CPEB3: variants seen among roughly 807,000 people sequenced by gnomAD.
The protein encoded by CPEB3 is cytoplasmic polyadenylation element binding protein 3.
CPEB3 carries 20 observed loss-of-function variants against 67.2 expected under a neutral mutation model. That is an observed-to-expected ratio of 0.30 (90% CI 0.21 to 0.43). The LOEUF (loss-of-function observed/expected upper bound fraction) is 0.43, where lower values mean the gene tolerates loss of function less well. CPEB3 is among the 20% of genes least tolerant of loss of function. The probability of loss-of-function intolerance (pLI) is 1.00; values close to 1 mark genes in which losing one functional copy is unlikely to be tolerated. For synonymous variants in CPEB3, 376 were observed against 393.1 expected, an observed-to-expected ratio of 0.96 and a Z score of 0.51; for missense variants, 746 against 968.6, an observed-to-expected ratio of 0.77 and a Z score of 3.05.
At chr10:92,119,539 G>C (rs1485092015) in intron 6 of CPEB3, among the ~76,000 whole-genome samples, 2 of 152,314 alleles carry the variant, frequency 1.3e-5, no homozygotes, top group South Asian at 2.1e-4. Context: ...CCTGGGGACT[G>C]GGGGTGAGGG....
chr10:92,062,169 T>C (rs193166870), intron 9 of CPEB3, among the ~76,000 whole-genome samples: 2 of 142,138 alleles, frequency 1.4e-5, no homozygotes, highest in African/African-American at 5.3e-5. Context: ...CACTTGAACC[T>C]GGGAAGCAGA....
intron 2 of CPEB3, among the ~76,000 whole-genome samples, chr10:92,199,391 CAAA>C (rs61159896): frequency 3.1e-4 from 24 of 76,350 alleles, no homozygotes; most frequent in African/African-American, 7.2e-4. Context: ...AACTCTGTCT[CAAA>C]AAAAAAAAAA....
chr10:92,113,332 G>A (rs1200233234), intron 6 of CPEB3, among the ~76,000 whole-genome samples: 1 of 152,192 alleles, frequency 6.6e-6, no homozygotes, highest in South Asian at 2.1e-4. Flanking sequence ...CCAGGTGCCA[G>A]GGAATCTTAA....
intron 7 of CPEB3, among the ~76,000 whole-genome samples, chr10:92,093,732 C>T (rs990568789): frequency 5.3e-5 from 8 of 152,040 alleles, no homozygotes; most frequent in Non-Finnish European, 1.2e-4. Flanking sequence ...AAACTCTTGA[C>T]CTGAGGGGAT....
chr10:92,111,622 A>G (rs1590163002), intron 6 of CPEB3, among the ~76,000 whole-genome samples: 2 of 152,326 alleles, frequency 1.3e-5, no homozygotes, highest in South Asian at 4.1e-4. Flanking sequence ...TATGTCCAGA[A>G]CCAGCAAATC....
chr10:92,053,036 G>C (rs1841959528), intron 9 of CPEB3, among the ~76,000 whole-genome samples: 2 of 152,238 alleles, frequency 1.3e-5, no homozygotes, highest in African/African-American at 4.8e-5. Flanking sequence ...GTGTCGTAAT[G>C]ACACAGCTCC....
At chr10:92,129,866 ACT>A (rs1461372926) in intron 6 of CPEB3, among the ~76,000 whole-genome samples, 1 of 151,992 alleles carries the variant, frequency 6.6e-6, no homozygotes, top group African/African-American at 2.4e-5. Flanking sequence ...ACAGAGCAAG[ACT>A]CTGTCTCCAC....
chr10:92,200,375 T>A (rs1030186341), intron 2 of CPEB3, among the ~76,000 whole-genome samples: 2 of 151,746 alleles, frequency 1.3e-5, no homozygotes, highest in Non-Finnish European at 2.9e-5. Context: ...AGAAACCCTG[T>A]CTCTACTAAG....
intron 9 of CPEB3, among the ~76,000 whole-genome samples, chr10:92,079,105 T>G (rs544103832): frequency 6.6e-6 from 1 of 152,252 alleles, no homozygotes; most frequent in South Asian, 2.1e-4. Context: ...CCAAAGCTCT[T>G]CAGGTTAAGT....
chr10:92,266,836 C>T (rs1463017314), intron 1 of CPEB3, among the ~76,000 whole-genome samples: 1 of 151,992 alleles, frequency 6.6e-6, no homozygotes, highest in Non-Finnish European at 1.5e-5. Context: ...GAGTTCGAGA[C>T]GAGCCTGGCC....
At chr10:92,072,440 A>G (rs1342810741) in intron 9 of CPEB3, among the ~76,000 whole-genome samples, 1 of 152,148 alleles carries the variant, frequency 6.6e-6, no homozygotes, top group Non-Finnish European at 1.5e-5. Flanking sequence ...GCTCAGCAAT[A>G]ATACAAATCA....
In CPEB3 at chr10:92,126,696, C is replaced by A. The variant is rs556507022; in HGVS notation, c.1454-15502G>T. 5.3e-5 allele frequency among the ~76,000 whole-genome samples: 8 copies of A among 152,320 alleles called. No individual in the cohort carries two copies. In the East Asian group the frequency reaches 1.5e-3, roughly 29 times the overall value. ...AGCTTAAACCTGTCCTCCTTTTCCA[C>A]CAATCATACAGAGGAGCAAAACAAA... On this transcript the variant is annotated intron_variant, in intron 6 of 9. Coordinates refer to ENST00000265997, the MANE Select transcript of CPEB3 (RefSeq NM_014912.5).
At position 92,208,344 on chromosome 10, in the gene CPEB3, A is replaced by G. The variant is rs149583201; in HGVS notation, c.1006-15708T>C. Among the ~76,000 whole-genome samples, 506 of 152,282 alleles carry G rather than the reference A, an allele frequency of 3.3e-3. 4 individuals carry two copies. The highest frequency in any genetic ancestry group is 0.011 in the African/African-American group (474 of 41,556). On this transcript the variant is annotated intron_variant, in intron 2 of 9. Transcript: ENST00000265997. ...AGAATGCCATTTTGAACTTCTGCAT[A>G]TTCATACACAAATTAACCAGATGCT...
intron 7 of CPEB3, among the ~76,000 whole-genome samples, chr10:92,106,059 A>AT (rs768720434): frequency 5.9e-5 from 9 of 151,722 alleles, no homozygotes; most frequent in Non-Finnish European, 1.0e-4. Flanking sequence ...TATCCGGCTA[A>AT]TTTTTGTATT....
intron 1 of CPEB3, among the ~76,000 whole-genome samples, chr10:92,283,092 A>G (rs1842368728): frequency 6.6e-6 from 1 of 152,170 alleles, no homozygotes; most frequent in African/African-American, 2.4e-5. Context: ...CTCTACAAAA[A>G]ATACAAAATA....
chr10:92,255,310 T>C (rs1852472723), intron 1 of CPEB3, among the ~76,000 whole-genome samples: 1 of 152,176 alleles, frequency 6.6e-6, no homozygotes, highest in South Asian at 2.1e-4. Flanking sequence ...CTTAGTTAAC[T>C]TCCTTACTTC....
chr10:92,082,106 A>T (rs1205618140), intron 8 of CPEB3, among the ~76,000 whole-genome samples: 1 of 152,232 alleles, frequency 6.6e-6, no homozygotes, highest in East Asian at 1.9e-4. Context: ...AAATAATACT[A>T]GTAATGATAA....
At chr10:92,188,669 G>A (rs1848816251) in intron 3 of CPEB3, among the ~76,000 whole-genome samples, 2 of 151,538 alleles carry the variant, frequency 1.3e-5, no homozygotes, top group African/African-American at 4.9e-5. Flanking sequence ...GCAATGAGCT[G>A]AGATCCCGCC....
chr10:92,220,803 G>A (rs887667223), intron 2 of CPEB3, among the ~76,000 whole-genome samples: 4 of 152,172 alleles, frequency 2.6e-5, no homozygotes, highest in Admixed American at 1.3e-4. Context: ...AGTAACAGAT[G>A]ATGGTTAGGT....
Sources: allele counts gnomAD v4.1 joint callset (sites outside exome capture counted in the v4.1 genomes callset), GRCh38; gene constraint gnomAD v4.1.1; transcripts MANE v1.5; gene names NCBI Gene and HGNC (gene_info 2026-07-23, HGNC 2026-07-21).